The following SUV39H2 variants were observed in gnomAD, a reference collection of about 807,000 sequenced individuals.
SUV39H2 encodes histone-lysine N-methyltransferase SUV39H2.
In SUV39H2, 10 loss-of-function variants were observed where a neutral mutation model predicts 47.5. That is an observed-to-expected ratio of 0.21 (90% CI 0.13 to 0.36). The LOEUF (loss-of-function observed/expected upper bound fraction) is 0.36. SUV39H2 is among the 10% of genes least tolerant of loss of function. The pLI is 1.00. For missense variants in SUV39H2, 266 were observed against 487.4 expected, an observed-to-expected ratio of 0.55 and a Z score of 4.28; for synonymous variants, 159 against 166.8, an observed-to-expected ratio of 0.95 and a Z score of 0.36.
At chr10:14,883,157 G>A (rs1264394086) in intron 2 of SUV39H2, among the ~76,000 whole-genome samples, 1 of 152,012 alleles carries the variant, frequency 6.6e-6, no homozygotes, top group East Asian at 1.9e-4. Flanking sequence ...GTGAGCCACT[G>A]CACCCCGCCA....
Position 14,879,177 on chromosome 10 carries a change from C to T in SUV39H2, c.31+258C>T, listed in dbSNP as rs1015072046. ...ACTTCGGAAGTGGAGCGTGGCCTCT[C>T]CGCCCGCTCGGCCCGGCCCCCTCCG... On this transcript the variant is annotated intron_variant, in intron 1 of 5. Coordinates refer to ENST00000354919, the MANE Select transcript of SUV39H2 (RefSeq NM_001193424.2). The T allele has an allele frequency of 3.5e-6, 4 of 1,146,908 alleles. No individual in the cohort carries two copies. In the East Asian group the frequency reaches 1.4e-4, roughly 41 times the overall value. 71.0% of individuals were successfully genotyped at this position (1,146,908 alleles called of 1,614,324 possible).
rs372939554 is a variant in SUV39H2, at chr10:14,887,309, T to G, written c.177+5664T>G. 7.9e-5 allele frequency among the ~76,000 whole-genome samples: 12 copies of G among 152,262 alleles called. No homozygotes were observed. In the South Asian group the frequency reaches 1.5e-3, roughly 18 times the overall value. On this transcript the variant is annotated intron_variant, in intron 2 of 5. Coordinates refer to ENST00000354919, the MANE Select transcript of SUV39H2 (RefSeq NM_001193424.2). ...GTGGTCACAGGGTTGGGTGGGGGTC[T>G]GGTAGTGAAGGTGCCAGGTCTAGGA... is the stretch of plus-strand genomic sequence containing the variant.
At chr10:14,892,323 C>T (rs988846644) in intron 2 of SUV39H2, among the ~76,000 whole-genome samples, 5 of 152,106 alleles carry the variant, frequency 3.3e-5, no homozygotes, top group Admixed American at 6.5e-5. Context: ...TAAGAACCAC[C>T]GGCCTACAAT....
chr10:14,897,222 A>G lies in SUV39H2; in HGVS notation c.554A>G (p.Asn185Ser), dbSNP rs775344053. Reference sequence around the variant, plus strand: ...CCAGCTCCTGGAATCAGCTTAGTCAATGAAGCTACCTTTGGTTGTTCATGC... The same window carrying G: ...CCAGCTCCTGGAATCAGCTTAGTCAGTGAAGCTACCTTTGGTTGTTCATGC... ...YKPAPGISLVNEATFGCSCTD... is the reference protein window; with the variant it reads ...YKPAPGISLVSEATFGCSCTD... Residue 185 changes from asparagine (N) to serine (S), a missense_variant, in exon 3 of 6, where the codon AAT becomes AGT. Asn to Ser is a conservative substitution (Grantham distance 46). Around this residue, in one of 4 missense-constraint regions of SUV39H2, gnomAD observed 91 missense variants for 110.9 expected, o/e 0.82. Coordinates refer to ENST00000354919, the MANE Select transcript of SUV39H2 (RefSeq NM_001193424.2). 1.2e-5 allele frequency: 20 copies of G among 1,613,788 alleles called. No homozygotes were observed. The highest frequency in any genetic ancestry group is 1.6e-5 in the Non-Finnish European group (19 of 1,180,044).
chr10:14,879,222 G>C (rs1318318805), intron 1 of SUV39H2: 5 of 835,314 alleles, frequency 6.0e-6, no homozygotes, highest in African/African-American at 3.6e-5. Flanking sequence ...TGGCGGCCTC[G>C]GGCTTCGAGG....
intron 2 of SUV39H2, among the ~76,000 whole-genome samples, chr10:14,893,426 C>A (rs914152205): frequency 6.6e-6 from 1 of 152,118 alleles, no homozygotes; most frequent in Admixed American, 6.5e-5. Flanking sequence ...TGATGTATTC[C>A]AAATTACATA....
At position 14,888,634 on chromosome 10, in the gene SUV39H2, C is replaced by CA. The variant is rs368463041; in HGVS notation, c.177+7000dup. On this transcript the variant is annotated intron_variant, in intron 2 of 5. Coordinates refer to ENST00000354919, the MANE Select transcript of SUV39H2 (RefSeq NM_001193424.2). ...CTGGTGACAGAGCGAGACTCGGTCTCAAAAAAAAAAAGAAAGAAAATGGGA... is the reference window on the plus strand; with the variant it reads ...CTGGTGACAGAGCGAGACTCGGTCTCAAAAAAAAAAAAGAAAGAAAATGGGA... Among the ~76,000 whole-genome samples, 775 of 129,690 alleles carry CA rather than the reference C, an allele frequency of 6.0e-3. 4 individuals are homozygous for CA. Among genetic ancestry groups the CA allele is most frequent in the Non-Finnish European group, 6.1e-3 (366 of 60,488 alleles). 85.1% of individuals were successfully genotyped at this position (129,690 alleles called of 152,430 possible).
rs188643424 is a variant in SUV39H2, at chr10:14,885,010, T to C, written c.177+3365T>C. On this transcript the variant is annotated intron_variant, in intron 2 of 5. Coordinates refer to ENST00000354919, the MANE Select transcript of SUV39H2 (RefSeq NM_001193424.2). ...TTCTTACCTCTATTCCTACTTCTTT[T>C]CCACCTGTTTTTCTTACTATTCTTT... Among the ~76,000 whole-genome samples, 417 of 152,318 alleles carry C rather than the reference T, an allele frequency of 2.7e-3. 1 individual carries two copies. Among genetic ancestry groups the C allele is most frequent in the African/African-American group, 9.5e-3 (396 of 41,562 alleles).
At chr10:14,894,744 G>A (rs955592230) in intron 2 of SUV39H2, among the ~76,000 whole-genome samples, 2 of 152,148 alleles carry the variant, frequency 1.3e-5, no homozygotes, top group Admixed American at 6.5e-5. Context: ...GCAGATAGTG[G>A]GGATAAAATA....
chr10:14,879,098 C>T (rs911839531), intron 1 of SUV39H2, 179 bp downstream of exon 1: 1 of 1,272,210 alleles, frequency 7.9e-7, no homozygotes, highest in Non-Finnish European at 9.9e-7. Flanking sequence ...GCTGACCCGC[C>T]TCCCTGCCCG....
intron 2 of SUV39H2, among the ~76,000 whole-genome samples, chr10:14,885,801 T>C (rs1328326122): frequency 9.2e-5 from 14 of 152,238 alleles, no homozygotes; most frequent in Non-Finnish European, 5.9e-5. Flanking sequence ...AAGGATCTTA[T>C]GACCTTGTCC....
intron 3 of SUV39H2, chr10:14,899,260 C>A: frequency 1.4e-6 from 1 of 701,996 alleles, no homozygotes; most frequent in South Asian, 1.5e-5. Flanking sequence ...TTAAAGGATA[C>A]AGGGAGTCAT....
chr10:14,894,321 G>A (rs1386945951), intron 2 of SUV39H2, among the ~76,000 whole-genome samples: 3 of 124,410 alleles, frequency 2.4e-5, no homozygotes, highest in African/African-American at 8.3e-5. Flanking sequence ...TTTAAGAGAA[G>A]AAAACTTTTG....
intron 1 of SUV39H2, among the ~76,000 whole-genome samples, chr10:14,879,418 C>T (rs1832974324): frequency 6.6e-6 from 1 of 152,178 alleles, no homozygotes; most frequent in African/African-American, 2.4e-5. Flanking sequence ...CGCCTGTGTG[C>T]TAAGAAAGGG....
rs567339498 is a variant in SUV39H2 at position 14,890,727 on chromosome 10, A to G, written c.178-6119A>G. Among the ~76,000 whole-genome samples, 12 of 152,342 alleles carry G rather than the reference A, an allele frequency of 7.9e-5. No homozygotes were observed. In the East Asian group the frequency reaches 2.3e-3, roughly 29 times the overall value. On this transcript the variant is annotated intron_variant, in intron 2 of 5. Coordinates refer to ENST00000354919, the MANE Select transcript of SUV39H2 (RefSeq NM_001193424.2). ...GATTATTTCAAAATTGGCAGAAAAA[A>G]TTACCTAGTGGAAAGACAAAATTTT... is the stretch of plus-strand genomic sequence containing the variant.
chr10:14,902,470 A>G lies in SUV39H2; in HGVS notation c.1191A>G (p.Val397=). Residue 397 remains valine, a synonymous_variant, in exon 6 of 6, where the codon GTA becomes GTG. Transcript: ENST00000354919. ...HSPAKKRVRT[V]CKCGAVTCRG... ...CAGCCAAAAAGAGGGTCAGAACAGT[A>G]TGTAAATGTGGAGCTGTGACTTGCA... 6.2e-7 allele frequency: 1 copy of G among 1,606,936 alleles called. No homozygotes were observed. The highest frequency in any genetic ancestry group is 8.5e-7 in the Non-Finnish European group (1 of 1,177,440).
chr10:14,892,092 C>T (rs1833407679), intron 2 of SUV39H2, among the ~76,000 whole-genome samples: 1 of 152,094 alleles, frequency 6.6e-6, no homozygotes. Flanking sequence ...AAGTGATGGT[C>T]AGGGGAAGCA....
At chr10:14,890,900 A>G (rs2131685115) in intron 2 of SUV39H2, among the ~76,000 whole-genome samples, 1 of 152,296 alleles carries the variant, frequency 6.6e-6, no homozygotes, top group Admixed American at 6.5e-5. Flanking sequence ...GAACTCATAC[A>G]GTTATTGTTG....
Position 14,894,355 on chromosome 10 carries a change from G to GTTTT in SUV39H2, c.178-2464_178-2461dup, listed in dbSNP as rs35812740. ...TGACCAATTTTCAAAAGAAAGCAAA[G>GTTTT]TTTTTTTTTTTTTTTTTTTTTTTTT... On this transcript the variant is annotated intron_variant, in intron 2 of 5. Coordinates refer to ENST00000354919, the MANE Select transcript of SUV39H2 (RefSeq NM_001193424.2). Among the ~76,000 whole-genome samples, 37 of 58,084 alleles carry GTTTT rather than the reference G, an allele frequency of 6.4e-4. 4 individuals carry two copies. Among genetic ancestry groups the GTTTT allele is most frequent in the East Asian group, 3.5e-3 (6 of 1,694 alleles). 38.1% of individuals were successfully genotyped at this position (58,084 alleles called of 152,430 possible). A position where few individuals can be genotyped will look rare whatever the true frequency, so the allele number is the denominator to read the frequency against.
Sources: gnomAD v4.1 joint callset for allele counts (sites outside exome capture counted in the v4.1 genomes callset) on GRCh38, gnomAD v4.1.1 for gene constraint, gnomAD v4.1.1 regional missense constraint, MANE v1.5 for transcripts, NCBI Gene and HGNC (gene_info 2026-07-23, HGNC 2026-07-21) for gene names.